Variants in DMD observed in about 807,000 individuals in gnomAD.
DMD encodes mutant dystrophin.
A neutral mutation model predicts 330.1 loss-of-function variants in DMD; 63 were observed. The observed-to-expected ratio is 0.19, with a 90% CI of 0.16 to 0.24. DMD has a LOEUF of 0.24. Among genes scored for constraint, DMD ranks in the 10% least tolerant of loss-of-function variants. The probability of loss-of-function intolerance (pLI) is 1.00; values close to 1 mark genes in which losing one functional copy is unlikely to be tolerated. For synonymous variants in DMD, 1,223 were observed against 959.8 expected (o/e 1.27, Z -5.07); for missense variants, 3,344 against 2,684.1 (o/e 1.25, Z -5.43).
intron 1 of DMD, among the ~76,000 whole-genome samples, chrX:33,168,473 CT>C (rs397941115): frequency 9.7e-5 from 10 of 102,906 alleles, no homozygotes; most frequent in Non-Finnish European, 1.2e-4. Context: ...TGATATATAG[CT>C]TTTTTTTTTG....
chrX:33,066,278 C>T (rs1469182001), intron 1 of DMD, among the ~76,000 whole-genome samples: 5 of 107,047 alleles, frequency 4.7e-5, no homozygotes, highest in African/African-American at 3.4e-5. Flanking sequence ...GTGATGAAAC[C>T]GCGTCTCTAC....
chrX:32,682,264 G>C (rs189703635), intron 9 of DMD, among the ~76,000 whole-genome samples: 5 of 111,363 alleles, frequency 4.5e-5, no homozygotes, highest in Non-Finnish European at 5.7e-5. Context: ...TATTCCACAA[G>C]ACCCATCGAT....
chrX:33,100,414 G>A (rs375741747), intron 1 of DMD, among the ~76,000 whole-genome samples: 1 of 111,592 alleles, frequency 9.0e-6, no homozygotes, highest in South Asian at 3.7e-4. Context: ...CGATGAAGCC[G>A]GGCACGGTGG....
At chrX:31,569,406 G>T (rs1332149009) in intron 55 of DMD, among the ~76,000 whole-genome samples, 1 of 107,972 alleles carries the variant, frequency 9.3e-6, no homozygotes, top group Non-Finnish European at 1.9e-5. Context: ...ACGTTTAAAA[G>T]TCAATTTGTG....
At chrX:33,270,753 T>C (rs371769269) in intron 1 of DMD, among the ~76,000 whole-genome samples, 3 of 112,046 alleles carry the variant, frequency 2.7e-5, no homozygotes, top group East Asian at 5.6e-4. Flanking sequence ...TATAAGGGAA[T>C]AGTATATAAA....
chrX:32,112,429 C>G (rs754225084), intron 44 of DMD, among the ~76,000 whole-genome samples: 1 of 111,542 alleles, frequency 9.0e-6, no homozygotes, highest in East Asian at 2.8e-4. Context: ...AAAGACACAA[C>G]GAGGTAGAGG....
intron 44 of DMD, among the ~76,000 whole-genome samples, chrX:32,159,701 T>A (rs1278100873): frequency 8.9e-6 from 1 of 111,780 alleles, no homozygotes; most frequent in Non-Finnish European, 1.9e-5. Context: ...AAGATCACGG[T>A]ATTTTCAGGG....
At position 32,949,391 on chromosome X, in the gene DMD, T is replaced by TAGATAGAC. The variant is rs1371667399; in HGVS notation, c.93+70747_93+70748insGTCTATCT. ...ATAGATAGATAGATAGATAGATAGA[T>TAGATAGAC]AGACAGACAGACAGACAGACAGACA... On this transcript the variant is annotated intron_variant, in intron 2 of 78. Transcript: ENST00000357033. 1.4e-3 allele frequency among the ~76,000 whole-genome samples: 104 copies of TAGATAGAC among 76,374 alleles called. 1 individual carries two copies. The highest frequency in any genetic ancestry group is 3.2e-3 in the African/African-American group (66 of 20,581). The allele number at this position is 76,374 out of a possible 115,157, so 66.3% of individuals were successfully genotyped here.
At chrX:32,695,068 C>T (rs1367852463) in intron 9 of DMD, among the ~76,000 whole-genome samples, 1 of 112,481 alleles carries the variant, frequency 8.9e-6, no homozygotes, top group Non-Finnish European at 1.9e-5. Context: ...GTGTCACTTG[C>T]TTCAATAACA....
chrX:32,375,869 T>A (rs1285504915), intron 34 of DMD, among the ~76,000 whole-genome samples: 1 of 112,007 alleles, frequency 8.9e-6, no homozygotes, highest in Non-Finnish European at 1.9e-5. Flanking sequence ...CTTTCATCGT[T>A]TTAGGCAACC....
intron 41 of DMD, among the ~76,000 whole-genome samples, chrX:32,336,620 G>A (rs1011342239): frequency 1.8e-5 from 2 of 111,175 alleles, no homozygotes; most frequent in Admixed American, 9.7e-5. Context: ...CTTAAACTCC[G>A]AATTTGCATA....
chrX:31,192,508 C>A (rs1431436320), intron 67 of DMD, among the ~76,000 whole-genome samples: 1 of 111,899 alleles, frequency 8.9e-6, no homozygotes, highest in Non-Finnish European at 1.9e-5. Context: ...TTTTCTATAT[C>A]TTATAGCTCT....
intron 7 of DMD, among the ~76,000 whole-genome samples, chrX:32,734,695 C>T (rs1266122029): frequency 9.1e-6 from 1 of 109,649 alleles, no homozygotes; most frequent in Non-Finnish European, 1.9e-5. Context: ...GCAGAAAAGG[C>T]CTTTGACAAA....
intron 53 of DMD, among the ~76,000 whole-genome samples, chrX:31,674,011 A>C (rs913991035): frequency 8.9e-6 from 1 of 112,137 alleles, no homozygotes; most frequent in Non-Finnish European, 1.9e-5. Flanking sequence ...AAATACATGA[A>C]GAAATGGTAG....
intron 55 of DMD, among the ~76,000 whole-genome samples, chrX:31,583,460 A>G (rs1159106499): frequency 9.0e-6 from 1 of 110,920 alleles, no homozygotes; most frequent in Non-Finnish European, 1.9e-5. Context: ...GAAAATTACA[A>G]GGAGAAGCTG....
chrX:32,639,597 T>A (rs1160906506), intron 11 of DMD, among the ~76,000 whole-genome samples: 2 of 112,316 alleles, frequency 1.8e-5, no homozygotes, highest in African/African-American at 6.5e-5. Context: ...TATTAGCTTT[T>A]ACCTCATCAG....
At chrX:32,882,871 C>A (rs764525537) in intron 2 of DMD, among the ~76,000 whole-genome samples, 1 of 112,324 alleles carries the variant, frequency 8.9e-6, no homozygotes, top group African/African-American at 3.2e-5. Flanking sequence ...ACCTCCTGCA[C>A]ACCAAAGTTT....
chrX:32,972,845 T>C (rs1669974958), intron 2 of DMD, among the ~76,000 whole-genome samples: 1 of 112,139 alleles, frequency 8.9e-6, no homozygotes, highest in Non-Finnish European at 1.9e-5. Context: ...GTTAGGATGG[T>C]ACCTTGACAT....
chrX:31,639,856 A>G (rs981182053), intron 54 of DMD, among the ~76,000 whole-genome samples: 8 of 111,535 alleles, frequency 7.2e-5, no homozygotes, highest in African/African-American at 2.6e-4. Flanking sequence ...TTATTTAAAA[A>G]AGAAAAGAGG....
Sources: allele counts gnomAD v4.1 joint callset (sites outside exome capture counted in the v4.1 genomes callset), GRCh38; gene constraint gnomAD v4.1.1; transcripts MANE v1.5; gene names NCBI Gene and HGNC (gene_info 2026-07-23, HGNC 2026-07-21).